UVRAG: variants seen among roughly 807,000 people sequenced by gnomAD.
The protein encoded by UVRAG is UV radiation resistance-associated gene protein.
UVRAG carries 19 observed loss-of-function variants against 78.0 expected under a neutral mutation model. The observed-to-expected ratio is 0.24, with a 90% CI of 0.17 to 0.36. The LOEUF (loss-of-function observed/expected upper bound fraction) is 0.36. Ranked by LOEUF, UVRAG falls within the 10% of genes least tolerant of loss-of-function variation. UVRAG has a pLI of 1.00. For missense variants in UVRAG, 740 were observed against 853.8 expected (o/e 0.87, Z 1.66); for synonymous variants, 323 against 324.6 (o/e 1.00, Z 0.05).
chr11:75,834,439 C>T (rs887667813), intron 1 of UVRAG, among the ~76,000 whole-genome samples: 16 of 152,084 alleles, frequency 1.1e-4, no homozygotes, highest in African/African-American at 3.6e-4. Flanking sequence ...GTCAAGGTGT[C>T]GTCTGATTTT....
chr11:75,839,974 T>G (rs563601414), intron 1 of UVRAG, among the ~76,000 whole-genome samples: 1 of 152,216 alleles, frequency 6.6e-6, no homozygotes, highest in South Asian at 2.1e-4. Flanking sequence ...TTGATCTATA[T>G]GCCTACCTCC....
rs11316075 is a variant in UVRAG, at chr11:75,842,442, C to CT, written c.118-9424dup. On this transcript the variant is annotated intron_variant, in intron 1 of 14. Coordinates refer to ENST00000356136, the MANE Select transcript of UVRAG (RefSeq NM_003369.4). ...TTTTACTGTGACCTGCCTTTTCTTT[C>CT]TTTTTTTTTTTTTTTTTGAGACGGA... is the stretch of plus-strand genomic sequence containing the variant. Among the ~76,000 whole-genome samples the CT allele has an allele frequency of 7.8e-3, 1,053 of 134,208 alleles. 6 individuals are homozygous for CT. Among genetic ancestry groups the CT allele is most frequent in the East Asian group, 0.027 (124 of 4,590 alleles). The allele number at this position is 134,208 out of a possible 152,430, so 88.0% of individuals were successfully genotyped here. A position where few individuals can be genotyped will look rare whatever the true frequency, so the allele number is the denominator to read the frequency against.
At chr11:76,068,043 A>T (rs1236612505) in intron 13 of UVRAG, among the ~76,000 whole-genome samples, 2 of 152,198 alleles carry the variant, frequency 1.3e-5, no homozygotes, top group African/African-American at 4.8e-5. Context: ...GTATTTCCTC[A>T]TATATTCCAG....
chr11:75,970,425 G>C (rs1949101198), intron 7 of UVRAG, among the ~76,000 whole-genome samples: 1 of 152,090 alleles, frequency 6.6e-6, no homozygotes, highest in Non-Finnish European at 1.5e-5. Context: ...GGTAGTTTTA[G>C]ATTCATAGAA....
intron 3 of UVRAG, among the ~76,000 whole-genome samples, chr11:75,862,370 A>G (rs914737561): frequency 1.3e-5 from 2 of 152,210 alleles, no homozygotes; most frequent in Admixed American, 6.5e-5. Context: ...TTGATAATGT[A>G]TACACTGGAT....
intron 5 of UVRAG, among the ~76,000 whole-genome samples, chr11:75,905,849 A>G (rs1380377654): frequency 1.3e-5 from 2 of 151,462 alleles, no homozygotes; most frequent in African/African-American, 2.4e-5. Context: ...GGGTCATATT[A>G]TAATTCTATG....
intron 13 of UVRAG, among the ~76,000 whole-genome samples, chr11:76,082,593 A>G (rs1951518340): frequency 6.6e-6 from 1 of 151,554 alleles, no homozygotes; most frequent in African/African-American, 2.4e-5. Context: ...GTATAACACT[A>G]TTTCATCAAA....
chr11:75,926,343 T>C (rs1948104501), intron 6 of UVRAG, among the ~76,000 whole-genome samples: 1 of 152,200 alleles, frequency 6.6e-6, no homozygotes, highest in Admixed American at 6.5e-5. Flanking sequence ...AGGCTTCTGT[T>C]CCTTAAATTC....
chr11:76,082,392 T>C (rs1427550189), intron 13 of UVRAG, among the ~76,000 whole-genome samples: 2 of 151,602 alleles, frequency 1.3e-5, no homozygotes, highest in Non-Finnish European at 2.9e-5. Flanking sequence ...TACAAAAAAT[T>C]AGCCAGGCGT....
intron 7 of UVRAG, among the ~76,000 whole-genome samples, chr11:75,975,819 C>T (rs1949226704): frequency 6.6e-6 from 1 of 152,174 alleles, no homozygotes; most frequent in African/African-American, 2.4e-5. Context: ...CAAACAGGGA[C>T]AATTTGACTT....
intron 5 of UVRAG, among the ~76,000 whole-genome samples, chr11:75,906,548 A>T (rs1005660885): frequency 2.6e-5 from 4 of 152,024 alleles, no homozygotes; most frequent in Non-Finnish European, 4.4e-5. Flanking sequence ...AGGTTTTACC[A>T]TGTTAGCTAG....
rs1238576242 is a variant in UVRAG, at chr11:76,143,431, G to A, written c.*2018G>A. The stretch of plus-strand genomic sequence containing the variant: ...TGGACTCTGGGGTCTACCCGTCAGT[G>A]CCCCCCACCGCTGTGCAGACTCCCT... On this transcript the variant is annotated 3_prime_UTR_variant, in exon 15 of 15. Coordinates refer to ENST00000356136, the MANE Select transcript of UVRAG (RefSeq NM_003369.4). 6.6e-6 allele frequency among the ~76,000 whole-genome samples: 1 copy of A among 152,190 alleles called. No individual in the cohort carries two copies. The highest frequency in any genetic ancestry group is 2.4e-5 in the African/African-American group (1 of 41,446).
intron 14 of UVRAG, among the ~76,000 whole-genome samples, chr11:76,130,570 T>G (rs987824855): frequency 6.6e-5 from 10 of 152,192 alleles, no homozygotes; most frequent in African/African-American, 2.2e-4. Context: ...TGCGGCAAAT[T>G]GCAACTCAAA....
At chr11:76,066,568 G>A (rs1951190991) in intron 13 of UVRAG, among the ~76,000 whole-genome samples, 1 of 152,088 alleles carries the variant, frequency 6.6e-6, no homozygotes, top group Non-Finnish European at 1.5e-5. Context: ...TACCTCCCGG[G>A]TTCAAGTGAT....
intron 3 of UVRAG, among the ~76,000 whole-genome samples, chr11:75,876,082 C>T (rs761625309): frequency 2.2e-4 from 33 of 151,948 alleles, no homozygotes; most frequent in East Asian, 5.8e-4. Flanking sequence ...CATGGCTTCA[C>T]GACAAAGACC....
At chr11:75,952,285 T>C (rs1479247281) in intron 6 of UVRAG, among the ~76,000 whole-genome samples, 4 of 152,180 alleles carry the variant, frequency 2.6e-5, no homozygotes, top group Admixed American at 6.5e-5. Flanking sequence ...TAAAATGCAT[T>C]ATTACAATGG....
intron 6 of UVRAG, among the ~76,000 whole-genome samples, chr11:75,960,093 T>C (rs1948881269): frequency 6.6e-6 from 1 of 152,118 alleles, no homozygotes; most frequent in East Asian, 1.9e-4. Flanking sequence ...GTTTGAGATA[T>C]TGTGAGAATT....
At chr11:75,872,355 T>C (rs1397824642) in intron 3 of UVRAG, among the ~76,000 whole-genome samples, 1 of 151,216 alleles carries the variant, frequency 6.6e-6, no homozygotes, top group Non-Finnish European at 1.5e-5. Flanking sequence ...CCCCACAACA[T>C]GGCCTTCCTC....
rs376568898 is a variant in UVRAG at position 75,983,465 on chromosome 11, C to T, written c.778C>T (p.Arg260Trp). Residue 260 changes from arginine (R) to tryptophan (W), a missense_variant, in exon 8 of 15, where the codon CGG becomes TGG. Coordinates refer to ENST00000356136, the MANE Select transcript of UVRAG (RefSeq NM_003369.4). ...ELERQKKALGREVALLHKQQI... is the reference protein window; with the variant it reads ...ELERQKKALGWEVALLHKQQI... ...GGAACGGCAGAAGAAAGCTTTGGGA[C>T]GGGAGGTGGCATTACTGCATAAGCA... 2.7e-5 allele frequency: 43 copies of T among 1,610,424 alleles called. No homozygotes were observed. The highest frequency in any genetic ancestry group is 2.0e-4 in the African/African-American group (15 of 74,888).
Sources: gnomAD v4.1 joint callset for allele counts (sites outside exome capture counted in the v4.1 genomes callset) on GRCh38, gnomAD v4.1.1 for gene constraint, MANE v1.5 for transcripts, NCBI Gene and HGNC (gene_info 2026-07-23, HGNC 2026-07-21) for gene names.